The following POLR2B variants were observed in gnomAD, a reference collection of about 807,000 sequenced individuals.
The protein encoded by POLR2B is RNA polymerase II subunit B.
Under a neutral mutation model 144.6 loss-of-function variants are expected in POLR2B, and 57 were observed. That is an observed-to-expected ratio of 0.39 (90% confidence interval 0.32 to 0.49). The LOEUF (loss-of-function observed/expected upper bound fraction) is 0.49. Among genes scored for constraint, POLR2B ranks in the 20% least tolerant of loss-of-function variants. The pLI, the probability that POLR2B is intolerant of heterozygous loss-of-function variation, is 0.83. For missense variants in POLR2B, 595 were observed against 1,467.4 expected (o/e 0.41, Z 9.71); for synonymous variants, 442 against 469.8 (o/e 0.94, Z 0.77).
rs777297320 is a variant in POLR2B at position 56,994,642 on chromosome 4, C to T, written c.357-5C>T. 2.1e-5 allele frequency: 33 copies of T among 1,587,246 alleles called. No homozygotes were observed. The highest frequency in any genetic ancestry group is 4.5e-5 in the East Asian group (2 of 44,696). The stretch of plus-strand genomic sequence containing the variant: ...CTTAACTGTGATCTACTTTTATTTT[C>T]AAAGGTATTCTGCTCCGCTTTATGT... On this transcript the variant is annotated splice_region_variant and splice_polypyrimidine_tract_variant and intron_variant, in intron 4 of 24. Coordinates refer to ENST00000314595, the MANE Select transcript of POLR2B (RefSeq NM_000938.3).
At chr4:57,007,563 G>C (rs1560478751) in intron 10 of POLR2B, among the ~76,000 whole-genome samples, 1 of 152,164 alleles carries the variant, frequency 6.6e-6, no homozygotes, top group East Asian at 1.9e-4. Context: ...TGCTTAGTGG[G>C]TGAGACAGTC....
At position 57,027,098 on chromosome 4, in the gene POLR2B, T is replaced by C. The variant is rs573628754; in HGVS notation, c.3239+1561T>C. ...ATCTCGGCTCACGGCAACCTCCGCC[T>C]CCCGGATTCAAGCAATTCTCGTGCC... On this transcript the variant is annotated intron_variant, in intron 23 of 24. Coordinates refer to ENST00000314595, the MANE Select transcript of POLR2B (RefSeq NM_000938.3). Among the ~76,000 whole-genome samples, 6 of 152,078 alleles carry C rather than the reference T, an allele frequency of 3.9e-5. No homozygotes were observed. The East Asian group carries it at 1.2e-3, about 30-fold the overall frequency.
chr4:56,986,979 T>C (rs1370028716), intron 2 of POLR2B, among the ~76,000 whole-genome samples: 1 of 152,230 alleles, frequency 6.6e-6, no homozygotes, highest in African/African-American at 2.4e-5. Context: ...TTACTTGTCA[T>C]GGCATGTTCT....
intron 1 of POLR2B, 99 bp downstream of exon 1, chr4:56,979,103 G>T (rs13133792): frequency 0.068 from 83,899 of 1,232,532 alleles, 3,231 homozygotes; most frequent in Middle Eastern, 0.089. Context: ...CCATGCGCCG[G>T]CTGCACAGTC....
intron 2 of POLR2B, among the ~76,000 whole-genome samples, chr4:56,990,378 AC>A (rs1335309442): frequency 6.6e-6 from 1 of 152,122 alleles, no homozygotes; most frequent in Admixed American, 6.5e-5. Context: ...GGCACATGCC[AC>A]CATGCCTGGC....
intron 6 of POLR2B, among the ~76,000 whole-genome samples, chr4:56,995,965 A>C (rs983827483): frequency 3.3e-5 from 5 of 152,250 alleles, no homozygotes; most frequent in African/African-American, 9.6e-5. Context: ...TGTTGGTTGC[A>C]AGTCAGTATG....
chr4:57,011,975 T>A (rs4864609), intron 13 of POLR2B, among the ~76,000 whole-genome samples: 56,135 of 152,128 alleles, frequency 0.37, 10,644 homozygotes, highest in South Asian at 0.47. Flanking sequence ...GAATACTTTT[T>A]AAAAGGGAAT....
In POLR2B at chr4:56,990,828, T is replaced by C; in HGVS notation, c.173T>C (p.Ile58Thr). ...DEFIQMSVQRIVEDAPPIDLQ... is the reference protein window; with the variant it reads ...DEFIQMSVQRTVEDAPPIDLQ... ...TTTATTCAGATGTCTGTTCAAAGAATTGTGGAAGACGCTCCTCCTATAGAC... is the reference window on the plus strand; with the variant it reads ...TTTATTCAGATGTCTGTTCAAAGAACTGTGGAAGACGCTCCTCCTATAGAC... Residue 58 changes from isoleucine to threonine, a missense_variant, in exon 3 of 25, where the codon ATT becomes ACT. This residue lies in a region of POLR2B where 251 missense variants were observed against 567.3 expected (regional missense o/e 0.44). Coordinates refer to ENST00000314595, the MANE Select transcript of POLR2B (RefSeq NM_000938.3). 6.2e-7 allele frequency: 1 copy of C among 1,613,826 alleles called. No homozygotes were observed.
intron 5 of POLR2B, 125 bp from the exon 6 acceptor site, chr4:56,995,126 G>C (rs1722638242): frequency 2.7e-6 from 2 of 753,222 alleles, no homozygotes; most frequent in African/African-American, 3.5e-5. Context: ...AGTTTGTAAA[G>C]TTGAAGAATT....
Position 56,983,368 on chromosome 4 carries a change from GTT to G in POLR2B, c.20-2965_20-2964del, listed in dbSNP as rs11315195. Among the ~76,000 whole-genome samples, 384 of 71,304 alleles carry G rather than the reference GTT, an allele frequency of 5.4e-3. 1 individual carries two copies. Among genetic ancestry groups the G allele is most frequent in the African/African-American group, 0.019 (342 of 18,312 alleles). 46.8% of individuals were successfully genotyped at this position (71,304 alleles called of 152,430 possible). A position where few individuals can be genotyped will look rare whatever the true frequency, so the allele number is the denominator to read the frequency against. On this transcript the variant is annotated intron_variant, in intron 1 of 24. Coordinates refer to ENST00000314595, the MANE Select transcript of POLR2B (RefSeq NM_000938.3). ...TTTATAACACGAGATCTCTGCTCAG[GTT>G]TTTTTTTTTTTTTTTTTTTTGAGAT... is the stretch of plus-strand genomic sequence containing the variant.
Position 57,023,225 on chromosome 4 carries a change from TATA to T in POLR2B, c.2516-104_2516-102del. 1.0e-6 allele frequency: 1 copy of T among 1,000,804 alleles called. No individual in the cohort carries two copies. Among genetic ancestry groups the T allele is most frequent in the African/African-American group, 1.6e-5 (1 of 62,570 alleles). 62.0% of individuals were successfully genotyped at this position (1,000,804 alleles called of 1,614,324 possible). Reference sequence around the variant, plus strand: ...TTTGGAATAAGGGTGTGATTCATGGTATAGAGACTCCTGTGGCCTTCTCTCTGA... The same window carrying T: ...TTTGGAATAAGGGTGTGATTCATGGTGAGACTCCTGTGGCCTTCTCTCTGA... On this transcript the variant is annotated intron_variant, in intron 18 of 24. Transcript: ENST00000314595. This position sits in a 1 kb window ranked among gnomAD's most constrained non-coding sequence, Gnocchi z 4.3.
intron 2 of POLR2B, among the ~76,000 whole-genome samples, chr4:56,987,534 A>G (rs948264398): frequency 3.9e-5 from 6 of 152,136 alleles, no homozygotes; most frequent in Admixed American, 6.5e-5. Context: ...CAAAGAACAC[A>G]TGCTTCCAAC....
intron 1 of POLR2B, among the ~76,000 whole-genome samples, chr4:56,984,398 C>T (rs574380870): frequency 6.6e-6 from 1 of 151,874 alleles, no homozygotes; most frequent in East Asian, 1.9e-4. Context: ...TGTTATATGC[C>T]AATGTATATC....
chr4:57,031,107 T>G lies in POLR2B; in HGVS notation c.*119T>G. 5.4e-6 allele frequency: 4 copies of G among 737,112 alleles called. No homozygotes were observed. Among genetic ancestry groups the G allele is most frequent in the Non-Finnish European group, 9.4e-6 (4 of 426,092 alleles). 45.7% of individuals were successfully genotyped at this position (737,112 alleles called of 1,614,324 possible). On this transcript the variant is annotated 3_prime_UTR_variant, in exon 25 of 25. Transcript: ENST00000314595. ...GATAAAAAGTATTTTATTTGTTTAA[T>G]GATATGCATGCTTTTCTTCTGTAAA...
intron 10 of POLR2B, among the ~76,000 whole-genome samples, chr4:57,008,563 TGCA>T (rs1723096745): frequency 6.6e-6 from 1 of 152,232 alleles, no homozygotes. Flanking sequence ...ATGCTGGAGA[TGCA>T]GTGATCCTGA....
Position 57,003,831 on chromosome 4 carries a change from A to T in POLR2B, c.901-1415A>T, listed in dbSNP as rs1464724682. 2.0e-5 allele frequency among the ~76,000 whole-genome samples: 3 copies of T among 151,738 alleles called. No homozygotes were observed. In the East Asian group the frequency reaches 5.8e-4, roughly 29 times the overall value. ...GCACTCCAGCCTGGGTGACAAAGGG[A>T]GACTGACTGTGTCTCTTAAAAAAAA... On this transcript the variant is annotated intron_variant, in intron 7 of 24. Coordinates refer to ENST00000314595, the MANE Select transcript of POLR2B (RefSeq NM_000938.3).
intron 14 of POLR2B, 151 bp from the exon 15 acceptor site, chr4:57,016,892 A>C (rs1421083655): frequency 8.6e-6 from 2 of 232,002 alleles, no homozygotes; most frequent in Non-Finnish European, 1.6e-5. Context: ...GTTATATATA[A>C]TATTAAACTA....
intron 23 of POLR2B, among the ~76,000 whole-genome samples, chr4:57,028,287 T>C (rs1723789100): frequency 6.6e-6 from 1 of 152,134 alleles, no homozygotes; most frequent in Non-Finnish European, 1.5e-5. Context: ...TTATGAAGTG[T>C]TCCATTTTAT....
At chr4:56,996,262 G>GTGTATATA (rs1553910008) in intron 6 of POLR2B, among the ~76,000 whole-genome samples, 2 of 88,890 alleles carry the variant, frequency 2.2e-5, no homozygotes, top group African/African-American at 9.5e-5. Context: ...GTGTGTGTGT[G>GTGTATATA]TATATATATA....
Sources: gnomAD v4.1 joint callset for allele counts (sites outside exome capture counted in the v4.1 genomes callset) on GRCh38, gnomAD v4.1.1 for gene constraint, gnomAD v4.1.1 regional missense constraint, Gnocchi (gnomAD v3.1) non-coding constraint, MANE v1.5 for transcripts, NCBI Gene and HGNC (gene_info 2026-07-23, HGNC 2026-07-21) for gene names.